ZBTB25: variants seen among roughly 807,000 people sequenced by gnomAD.
The protein encoded by ZBTB25 is zinc finger and BTB domain-containing protein 25.
In ZBTB25, 20 loss-of-function variants were observed where a neutral mutation model predicts 34.2. The observed-to-expected ratio is 0.58, with a 90% CI of 0.41 to 0.85. The LOEUF is 0.85. ZBTB25 is among the 40% of genes least tolerant of loss of function. The pLI is 0.00. For missense variants in ZBTB25, 437 were observed against 521.8 expected, an observed-to-expected ratio of 0.84 and a Z score of 1.58; for synonymous variants, 175 against 186.4, an observed-to-expected ratio of 0.94 and a Z score of 0.50.
intron 1 of ZBTB25, chr14:64,503,263 C>A: frequency 1.0e-6 from 1 of 985,456 alleles, no homozygotes; most frequent in Non-Finnish European, 1.2e-6. Context: ...AGCGTCCTCC[C>A]AGCATCTGGA....
At chr14:64,455,742 C>T (rs1444587709) in intron 2 of ZBTB25, among the ~76,000 whole-genome samples, 6 of 152,224 alleles carry the variant, frequency 3.9e-5, no homozygotes, top group Non-Finnish European at 7.3e-5. Flanking sequence ...GAGTTGAAAA[C>T]GTAGGACATT....
chr14:64,483,838 G>A lies in ZBTB25; in HGVS notation c.*3085C>T, dbSNP rs2078826912. On this transcript the variant is annotated 3_prime_UTR_variant, in exon 3 of 3. Coordinates refer to ENST00000608382, the MANE Select transcript of ZBTB25 (RefSeq NM_006977.5). ...AGCTGGGCATGGTGGCACATGCTCA[G>A]GAGGCTGAGGCAGGAGAATCACTTG... 1 of 150,478 alleles carries A rather than the reference G, an allele frequency of 6.6e-6. No homozygotes were observed. Among genetic ancestry groups the A allele is most frequent in the African/African-American group, 2.5e-5 (1 of 40,808 alleles). 9.3% of individuals were successfully genotyped at this position (150,478 alleles called of 1,614,324 possible).
chr14:64,470,577 G>A (rs1228225102), intron 2 of ZBTB25: 4 of 149,104 alleles, frequency 2.7e-5, no homozygotes, highest in Non-Finnish European at 6.1e-5. Flanking sequence ...GCAACAGAGC[G>A]AGACTCCTTC....
chr14:64,474,805 C>T (rs2078705021), downstream of ZBTB25, among the ~76,000 whole-genome samples: 1 of 152,178 alleles, frequency 6.6e-6, no homozygotes, highest in Admixed American at 6.5e-5. Flanking sequence ...CTGCATTAAC[C>T]TATGAATTGT....
rs745930738 is a variant in ZBTB25 at position 64,480,322 on chromosome 14, C to CAAAAAAAA, written c.*6593_*6600dup. The CAAAAAAAA allele has an allele frequency of 3.7e-4, 77 of 207,376 alleles. No homozygotes were observed. The highest frequency in any genetic ancestry group is 5.8e-4 in the South Asian group (18 of 31,070). 12.8% of individuals were successfully genotyped at this position (207,376 alleles called of 1,614,324 possible). ...TGGGCAACAGAGCAAGACTCCATCTCAAAAAAAAAAAAAAAAAAAAAAAAG... is the reference window on the plus strand; with the variant it reads ...TGGGCAACAGAGCAAGACTCCATCTCAAAAAAAAAAAAAAAAAAAAAAAAAAAAAAAAG... On this transcript the variant is annotated 3_prime_UTR_variant, in exon 3 of 3. Transcript: ENST00000608382.
rs61757553 is a variant in ZBTB25, at chr14:64,469,410, C to T, written c.174-19772G>A. Reference sequence around the variant, plus strand: ...GAAAGCAAAAGAATGGAGCCAATTGCTATTATTATTACAGACACTGAAATC... The same window carrying T: ...GAAAGCAAAAGAATGGAGCCAATTGTTATTATTATTACAGACACTGAAATC... On this transcript the variant is annotated intron_variant, in intron 2 of 2. Coordinates refer to the ZBTB25 transcript ENST00000555220. The T allele has an allele frequency of 1.4e-5, 23 of 1,613,784 alleles. No individual in the cohort carries two copies. In the East Asian group the frequency reaches 2.5e-4, roughly 17 times the overall value.
At chr14:64,497,243 T>C (rs887525404) in intron 1 of ZBTB25, among the ~76,000 whole-genome samples, 1 of 152,198 alleles carries the variant, frequency 6.6e-6, no homozygotes, top group East Asian at 1.9e-4. Context: ...TGTTGTAATA[T>C]ACCAGATTTT....
At chr14:64,476,206 A>G (rs543940108), downstream of ZBTB25, among the ~76,000 whole-genome samples, 21 of 152,374 alleles carry the variant, frequency 1.4e-4, no homozygotes, top group Middle Eastern at 6.8e-3. Flanking sequence ...TCAGGCATGC[A>G]TGTGCTGCTA....
At chr14:64,458,377 A>G (rs2078508856) in intron 2 of ZBTB25, 2 of 991,340 alleles carry the variant, frequency 2.0e-6, no homozygotes, top group Non-Finnish European at 3.3e-6. Context: ...TAGGGCTCAA[A>G]CTGACGCTAT....
Position 64,487,156 on chromosome 14 carries a change from G to T in ZBTB25, c.1075C>A (p.Pro359Thr), listed in dbSNP as rs865839030. 7 of 1,613,874 alleles carry T rather than the reference G, an allele frequency of 4.3e-6. No individual in the cohort carries two copies. Among genetic ancestry groups the T allele is most frequent in the Non-Finnish European group, 5.9e-6 (7 of 1,179,958 alleles). The change falls in exon 3 of 3, where the codon CCT (proline) becomes ACT (threonine). Residue 359 changes from proline to threonine, a missense_variant. By Grantham distance (38) the Pro-to-Thr change is conservative. Transcript: ENST00000608382. ...MSCTICGHKF[P>T]RKSQLLEHMY... ...TGTTCCAACAATTGGCTCTTTCGAG[G>T]GAATTTATGACCACAGATGGTACAG... is the stretch of plus-strand genomic sequence containing the variant.
chr14:64,453,168 ATATC>A (rs963385639), intron 2 of ZBTB25, among the ~76,000 whole-genome samples: 2 of 152,102 alleles, frequency 1.3e-5, no homozygotes, highest in African/African-American at 4.8e-5. Context: ...ATGTGTATCT[ATATC>A]TATATATATA....
chr14:64,459,922 C>A (rs757571129), intron 2 of ZBTB25: 3 of 1,534,858 alleles, frequency 2.0e-6, no homozygotes, highest in Admixed American at 2.0e-5. Flanking sequence ...AGCCTTAATT[C>A]TCATCATGTA....
At chr14:64,502,302 A>G (rs1043908216) in intron 1 of ZBTB25, among the ~76,000 whole-genome samples, 2 of 152,218 alleles carry the variant, frequency 1.3e-5, no homozygotes, top group Non-Finnish European at 2.9e-5. Flanking sequence ...CCACACCTTG[A>G]TATTTCACTG....
chr14:64,459,794 C>T lies in ZBTB25; in HGVS notation c.174-10156G>A, dbSNP rs1038552568. ...ATCTTCAAGAAGCTACTTTGAAAGT[C>T]TGGCCAGTGTCTATTCAGGCCCACT... On this transcript the variant is annotated intron_variant, in intron 2 of 2. Transcript: ENST00000555220. 4 of 1,535,536 alleles carry T rather than the reference C, an allele frequency of 2.6e-6. No homozygotes were observed. In the African/African-American group the frequency reaches 4.1e-5, roughly 16 times the overall value.
intron 1 of ZBTB25, among the ~76,000 whole-genome samples, chr14:64,500,689 G>A (rs2079461384): frequency 1.3e-5 from 2 of 152,028 alleles, no homozygotes; most frequent in South Asian, 4.1e-4. Flanking sequence ...CAGCTACTTG[G>A]GAGGCTGAGG....
intron 1 of ZBTB25, among the ~76,000 whole-genome samples, chr14:64,498,797 C>G (rs2079381345): frequency 6.6e-6 from 1 of 151,998 alleles, no homozygotes; most frequent in South Asian, 2.1e-4. Flanking sequence ...CCACACCCAG[C>G]TAATTTTTTT....
chr14:64,488,639 T>C (rs2078964843), intron 2 of ZBTB25, among the ~76,000 whole-genome samples: 3 of 152,114 alleles, frequency 2.0e-5, no homozygotes, highest in Admixed American at 6.6e-5. Flanking sequence ...CCAGAAAATA[T>C]CATGCTAAGT....
intron 2 of ZBTB25, chr14:64,469,267 A>T (rs751714213): frequency 6.2e-7 from 1 of 1,613,574 alleles, no homozygotes; most frequent in African/African-American, 1.3e-5. Context: ...CACCAAATGG[A>T]AAAGACTATG....
chr14:64,457,521 T>C (rs1273611278), intron 2 of ZBTB25, among the ~76,000 whole-genome samples: 1 of 151,628 alleles, frequency 6.6e-6, no homozygotes, highest in Non-Finnish European at 1.5e-5. Context: ...AGTGGCAAGA[T>C]CTCGGCTCAC....
Sources: gnomAD v4.1 joint callset for allele counts (sites outside exome capture counted in the v4.1 genomes callset) on GRCh38, gnomAD v4.1.1 for gene constraint, MANE v1.5 for transcripts, NCBI Gene and HGNC (gene_info 2026-07-23, HGNC 2026-07-21) for gene names.